DMXL1: variants seen among roughly 807,000 people sequenced by gnomAD.
DMXL1 encodes dmX-like protein 1.
In DMXL1, 99 loss-of-function variants were observed where a neutral mutation model predicts 319.2. The ratio of observed to expected loss-of-function variants is 0.31; its 90% CI spans 0.26 to 0.37. DMXL1 has a LOEUF of 0.37. Among genes scored for constraint, DMXL1 ranks in the 10% least tolerant of loss-of-function variants. The probability of loss-of-function intolerance (pLI) is 1.00; values close to 1 mark genes in which losing one functional copy is unlikely to be tolerated. For synonymous variants in DMXL1, 1,385 were observed against 1,235.2 expected (o/e 1.12, Z -2.54); for missense variants, 3,745 against 3,595.6 (o/e 1.04, Z -1.06).
At chr5:119,242,167 A>G (rs983426156) in intron 42 of DMXL1, among the ~76,000 whole-genome samples, 6 of 152,292 alleles carry the variant, frequency 3.9e-5, no homozygotes, top group East Asian at 1.9e-4. Flanking sequence ...TTTCTTGGCT[A>G]TGTGGGTTGT....
chr5:119,124,610 A>G (rs990007375), intron 9 of DMXL1, among the ~76,000 whole-genome samples: 5 of 144,666 alleles, frequency 3.5e-5, no homozygotes, highest in Admixed American at 7.1e-5. Flanking sequence ...TCTGTCGCCA[A>G]GCTGGAGTGC....
rs886495846 is a variant in DMXL1, at chr5:119,249,006, G to GT, written c.*1790dup. 1.3e-5 allele frequency: 2 copies of GT among 152,584 alleles called. No individual in the cohort carries two copies. The highest frequency in any genetic ancestry group is 2.9e-5 in the Non-Finnish European group (2 of 67,936). The allele number at this position is 152,584 out of a possible 1,614,324, so 9.5% of individuals were successfully genotyped here. ...TATTATGCTTATTAGAACAAAAGGT[G>GT]TTTAAGGATGAACTAAATATTTTAA... On this transcript the variant is annotated 3_prime_UTR_variant, in exon 44 of 44. Coordinates refer to ENST00000539542, the MANE Select transcript of DMXL1 (RefSeq NM_001290321.3).
chr5:119,134,001 G>A lies in DMXL1; in HGVS notation c.2077G>A (p.Val693Met), dbSNP rs763196269. ...LTQQNKSTVD[V>M]AFQDPSAVYS... is the part of the protein sequence containing the mutation. ...ACAACAAAATAAAAGCACTGTTGAC[G>A]TGGCATTTCAGGATCCCAGTGCAGT... Residue 693 changes from valine (V) to methionine (M), a missense_variant, in exon 12 of 44, where the codon GTG becomes ATG. Val to Met is a conservative substitution (Grantham distance 21). Transcript: ENST00000539542. 57 of 1,614,072 alleles carry A rather than the reference G, an allele frequency of 3.5e-5. No individual in the cohort carries two copies. Among genetic ancestry groups the A allele is most frequent in the Non-Finnish European group, 4.7e-5 (56 of 1,180,038 alleles).
chr5:119,191,437 G>A (rs887329771), intron 29 of DMXL1, among the ~76,000 whole-genome samples: 1 of 152,100 alleles, frequency 6.6e-6, no homozygotes, highest in African/African-American at 2.4e-5. Flanking sequence ...GTTCCTCACT[G>A]CCCTTTTTTG....
intron 13 of DMXL1, chr5:119,138,910 G>A (rs1044612940): frequency 2.6e-5 from 4 of 152,164 alleles, no homozygotes; most frequent in Admixed American, 2.6e-4. Flanking sequence ...CTGAGAAGAT[G>A]AGCATGGCTC....
chr5:119,110,986 A>C (rs1759457638), intron 5 of DMXL1, among the ~76,000 whole-genome samples: 1 of 152,094 alleles, frequency 6.6e-6, no homozygotes. Flanking sequence ...ACGGGGTTTC[A>C]CCATGTTGGC....
At position 119,239,094 on chromosome 5, in the gene DMXL1, G is replaced by A; in HGVS notation, c.8651+14G>A. 8 of 1,612,888 alleles carry A rather than the reference G, an allele frequency of 5.0e-6. No homozygotes were observed. The highest frequency in any genetic ancestry group is 5.9e-6 in the Non-Finnish European group (7 of 1,179,594). ...AACTGACAATAGGTAAGAGATGATA[G>A]CTAAAATTGAAGTATGAGAAAGTAT... On this transcript the variant is annotated intron_variant, in intron 41 of 43. Transcript: ENST00000539542.
intron 5 of DMXL1, among the ~76,000 whole-genome samples, chr5:119,111,992 G>A (rs745465664): frequency 2.0e-5 from 3 of 151,486 alleles, no homozygotes; most frequent in East Asian, 3.9e-4. Flanking sequence ...ACGAAGTCTC[G>A]CTCTGTCGCC....
intron 1 of DMXL1, among the ~76,000 whole-genome samples, chr5:119,080,778 T>G (rs1357887495): frequency 6.6e-6 from 1 of 152,196 alleles, no homozygotes; most frequent in African/African-American, 2.4e-5. Context: ...TTTTCTAGTC[T>G]CTCATCACTT....
At chr5:119,091,986 T>C (rs1754902937) in intron 1 of DMXL1, among the ~76,000 whole-genome samples, 1 of 152,206 alleles carries the variant, frequency 6.6e-6, no homozygotes, top group African/African-American at 2.4e-5. Context: ...GGGACAGATA[T>C]TCTGCTAGAG....
At chr5:119,221,175 A>G (rs1404489538) in intron 37 of DMXL1, 94 bp downstream of exon 37, 10 of 941,186 alleles carry the variant, frequency 1.1e-5, no homozygotes. Context: ...ATTTTTCTTA[A>G]TTCCTAAAGT....
intron 29 of DMXL1, among the ~76,000 whole-genome samples, chr5:119,191,766 C>T (rs1394722242): frequency 6.6e-6 from 1 of 152,192 alleles, no homozygotes; most frequent in Non-Finnish European, 1.5e-5. Flanking sequence ...GGCAGGGCAT[C>T]AGAACTCAGT....
chr5:119,147,190 T>A, intron 16 of DMXL1, 59 bp from the exon 17 acceptor site: 1 of 1,413,766 alleles, frequency 7.1e-7, no homozygotes, highest in Non-Finnish European at 9.8e-7. Flanking sequence ...AATGTAACAA[T>A]CGTAATATTT....
At chr5:119,239,959 C>CA (rs200453825) in intron 41 of DMXL1, among the ~76,000 whole-genome samples, 70,568 of 121,046 alleles carry the variant, frequency 0.58, 20,313 homozygotes, top group East Asian at 0.93. Flanking sequence ...AACTCCATCT[C>CA]AAAAAAAAAA....
intron 5 of DMXL1, among the ~76,000 whole-genome samples, chr5:119,112,896 C>G (rs1759977007): frequency 6.6e-6 from 1 of 151,700 alleles, no homozygotes; most frequent in Non-Finnish European, 1.5e-5. Flanking sequence ...GTGGAGGTTA[C>G]AATGAGCCGA....
intron 6 of DMXL1, among the ~76,000 whole-genome samples, chr5:119,114,746 G>A (rs1245224978): frequency 3.3e-5 from 5 of 152,148 alleles, no homozygotes; most frequent in Non-Finnish European, 7.3e-5. Context: ...TCGGCTCACT[G>A]CAGCCTCTGC....
At chr5:119,216,813 A>G in intron 34 of DMXL1, 88 bp from the exon 35 acceptor site, 1 of 722,104 alleles carries the variant, frequency 1.4e-6, no homozygotes, top group Non-Finnish European at 2.4e-6. Context: ...AAAATAATTT[A>G]TGCAAGTACT....
intron 28 of DMXL1, among the ~76,000 whole-genome samples, chr5:119,183,680 A>G (rs958859801): frequency 1.3e-5 from 2 of 152,106 alleles, no homozygotes; most frequent in African/African-American, 4.8e-5. Context: ...GCTGGTCTCA[A>G]TCTCCTGACC....
At chr5:119,233,606 CAAAG>C (rs902752456) in intron 39 of DMXL1, 139 bp downstream of exon 39, 15 of 588,668 alleles carry the variant, frequency 2.5e-5, no homozygotes, top group Non-Finnish European at 4.2e-5. Context: ...AAATTCTTCT[CAAAG>C]AACACTTAAC....
Sources: gnomAD v4.1 joint callset for allele counts (sites outside exome capture counted in the v4.1 genomes callset) on GRCh38, gnomAD v4.1.1 for gene constraint, MANE v1.5 for transcripts, NCBI Gene and HGNC (gene_info 2026-07-23, HGNC 2026-07-21) for gene names.